The following ENOSF1 variants were observed in gnomAD, a reference collection of about 807,000 sequenced individuals.
ENOSF1 encodes enolase superfamily member 1.
A neutral mutation model predicts 68.2 loss-of-function variants in ENOSF1; 73 were observed. That is an observed-to-expected ratio of 1.07 (90% CI 0.89 to 1.30). The LOEUF is 1.30. ENOSF1 is among the 50% of genes most tolerant of loss of function. ENOSF1 has a pLI of 0.00. For missense variants in ENOSF1, 589 were observed against 554.5 expected, an observed-to-expected ratio of 1.06 and a Z score of -0.62; for synonymous variants, 223 against 210.4, an observed-to-expected ratio of 1.06 and a Z score of -0.52.
intron 11 of ENOSF1, among the ~76,000 whole-genome samples, chr18:682,784 G>C (rs903776584): frequency 1.3e-5 from 2 of 150,926 alleles, no homozygotes; most frequent in African/African-American, 2.4e-5. Flanking sequence ...TCAGGAGGCT[G>C]AGGCAGAAGA....
Position 691,080 on chromosome 18 carries a change from T to C in ENOSF1, c.523A>G (p.Lys175Glu). The C allele has an allele frequency of 6.2e-7, 1 of 1,614,218 alleles. No homozygotes were observed. Among genetic ancestry groups the C allele is most frequent in the East Asian group, 2.2e-5 (1 of 44,882 alleles). The change falls in exon 7 of 16, where the codon AAA becomes GAA. Residue 175 changes from lysine (K) to glutamate (E), a missense_variant. Transcript: ENST00000647584. ...TCTTACAACCCACCTCTTTCTTTTT[T>C]ACCAATTTGACCTTTCTGCAGTATT... The part of the protein sequence containing the change: ...LEILQKGQIG[K>E]KEREKQMLAQ...
chr18:695,634 G>A (rs980901597), intron 3 of ENOSF1, among the ~76,000 whole-genome samples: 1 of 151,882 alleles, frequency 6.6e-6, no homozygotes, highest in South Asian at 2.1e-4. Context: ...AAGTACAGAC[G>A]GGGGTCTCAA....
downstream of ENOSF1, among the ~76,000 whole-genome samples, chr18:667,551 G>GGT: frequency 3.3e-5 from 3 of 91,912 alleles, no homozygotes; most frequent in Non-Finnish European, 6.0e-5. Context: ...TGATGGTGAT[G>GGT]GAGATGGTGA....
chr18:702,791 T>C (rs1169647743), intron 2 of ENOSF1, among the ~76,000 whole-genome samples: 1 of 152,048 alleles, frequency 6.6e-6, no homozygotes, highest in East Asian at 1.9e-4. Context: ...AGGATAAAAA[T>C]GAATATTAAT....
chr18:706,614 G>GT (rs775896645), intron 1 of ENOSF1, 36 bp from the exon 2 acceptor site: 2 of 1,494,758 alleles, frequency 1.3e-6, no homozygotes, highest in African/African-American at 2.7e-5. Flanking sequence ...AACAATGCCA[G>GT]TGTGAGAAAC....
chr18:711,945 G>C (rs1044727230), intron 1 of ENOSF1, among the ~76,000 whole-genome samples: 13 of 152,166 alleles, frequency 8.5e-5, no homozygotes, highest in Admixed American at 7.9e-4. Context: ...TTGTGGAAGC[G>C]GGATCACCAC....
At chr18:686,263 TTTAATATA>T in intron 9 of ENOSF1, 1 of 440,404 alleles carries the variant, frequency 2.3e-6, no homozygotes, top group Non-Finnish European at 4.0e-6. Flanking sequence ...AAGTCAGGTC[TTTAATATA>T]ATTAACTCCG....
chr18:699,791 T>C (rs1439365897), intron 2 of ENOSF1, among the ~76,000 whole-genome samples: 1 of 152,158 alleles, frequency 6.6e-6, no homozygotes, highest in Admixed American at 6.5e-5. Flanking sequence ...TTGAAAGTGG[T>C]GCCCCAGGCT....
Position 674,398 on chromosome 18 carries a change from G to C in ENOSF1, c.1239C>G (p.Gly413=), listed in dbSNP as rs775657793. 2 of 1,606,970 alleles carry C rather than the reference G, an allele frequency of 1.2e-6. No homozygotes were observed. Among genetic ancestry groups the C allele is most frequent in the South Asian group, 2.2e-5 (2 of 89,312 alleles). Residue 413 remains glycine (G), a synonymous_variant, in exon 16 of 16, where the codon GGC becomes GGG. Transcript: ENST00000647584. ...RASYMPPKDP[G]YSTEMKEESV... is the part of the protein sequence containing the mutation. ...ATTCCTCCTTCATTTCTGTTGAGTAGCCGGGATCCTATCAAAGACCAAAAA... is the reference window on the plus strand; with the variant it reads ...ATTCCTCCTTCATTTCTGTTGAGTACCCGGGATCCTATCAAAGACCAAAAA...
At position 712,607 on chromosome 18, in the gene ENOSF1, C is replaced by T. The variant is rs1453650250; in HGVS notation, c.-20G>A. On this transcript the variant is annotated 5_prime_UTR_variant, in exon 1 of 16. Transcript: ENST00000647584. ...CACCATGGCCCCTGCGCCCCGTGGC[C>T]GCGGCCCCCGTGCGGTCAGGACTGG... The T allele has an allele frequency of 1.4e-6, 2 of 1,456,230 alleles. No individual in the cohort carries two copies. Among genetic ancestry groups the T allele is most frequent in the Non-Finnish European group, 1.8e-6 (2 of 1,097,240 alleles). The allele number at this position is 1,456,230 out of a possible 1,614,324, so 90.2% of individuals were successfully genotyped here.
intron 10 of ENOSF1, among the ~76,000 whole-genome samples, chr18:685,464 TCTTA>T (rs1371187696): frequency 2.6e-5 from 4 of 152,188 alleles, no homozygotes; most frequent in East Asian, 1.9e-4. Context: ...CATAAAAACA[TCTTA>T]CTGTGACTTT....
At chr18:675,204 G>C (rs2075356553) in intron 15 of ENOSF1, 117 bp downstream of exon 15, 1 of 787,240 alleles carries the variant, frequency 1.3e-6, no homozygotes, top group Non-Finnish European at 2.2e-6. Flanking sequence ...CCGTTTGTTA[G>C]TGGATATTGC....
At chr18:693,664 C>CA (rs1364722001) in intron 5 of ENOSF1, 2 of 985,282 alleles carry the variant, frequency 2.0e-6, no homozygotes, top group African/African-American at 3.5e-5. Context: ...AGGACCCCCT[C>CA]ACTGCTTCCC....
At position 673,918 on chromosome 18, in the gene ENOSF1, G is replaced by T. The variant is rs1290573111; in HGVS notation, c.*387C>A. The T allele has an allele frequency of 6.4e-6, 1 of 155,894 alleles. No individual in the cohort carries two copies. The highest frequency in any genetic ancestry group is 2.4e-5 in the African/African-American group (1 of 41,292). The allele number at this position is 155,894 out of a possible 1,614,324, so 9.7% of individuals were successfully genotyped here. A position where few individuals can be genotyped will look rare whatever the true frequency, so the allele number is the denominator to read the frequency against. ...TTGCATACCAGATACCCCCGGTGTT[G>T]CACGACTATTTTTATTCTGCTAATT... On this transcript the variant is annotated 3_prime_UTR_variant, in exon 16 of 16. Transcript: ENST00000647584.
rs773110690 is a variant in ENOSF1 at position 677,442 on chromosome 18, GA to G, written c.1050del (p.Pro351LeufsTer18). The G allele has an allele frequency of 1.2e-6, 2 of 1,611,372 alleles. No individual in the cohort carries two copies. Among genetic ancestry groups the G allele is most frequent in the South Asian group, 2.2e-5 (2 of 90,578 alleles). ...SVLLMAKKFE[I>X]PVCPHAGGVG... ...ACTCCACCAGCATGGGGGCAAACAG[GA>G]ACTAAAAGGAAATCGTTTCTATTTA... On this transcript the variant is annotated frameshift_variant and splice_region_variant, in exon 14 of 16. Transcript: ENST00000647584. LOFTEE classifies it high-confidence loss of function.
the ENOSF1 span, among the ~76,000 whole-genome samples, chr18:664,816 A>G: frequency 6.8e-6 from 1 of 148,100 alleles, no homozygotes; most frequent in South Asian, 2.2e-4. Context: ...ATGCTGGATT[A>G]CATTTATTGA....
At position 677,334 on chromosome 18, in the gene ENOSF1, A is replaced by T. The variant is rs1279532910; in HGVS notation, c.1148+11T>A. The T allele has an allele frequency of 1.2e-6, 2 of 1,607,342 alleles. No individual in the cohort carries two copies. Among genetic ancestry groups the T allele is most frequent in the Non-Finnish European group, 1.7e-6 (2 of 1,174,384 alleles). ...TACTGAAACAGAAAGTATTAATGCC[A>T]CATTACTGACCTATTTTCAAGGCTT... On this transcript the variant is annotated intron_variant, in intron 14 of 15. Coordinates refer to ENST00000647584, the MANE Select transcript of ENOSF1 (RefSeq NM_017512.7).
At chr18:668,030 C>G (rs2074891226), downstream of ENOSF1, among the ~76,000 whole-genome samples, 1 of 123,842 alleles carries the variant, frequency 8.1e-6, no homozygotes, top group Admixed American at 8.3e-5. Flanking sequence ...GAAAGTTTCC[C>G]TGGACACACT....
downstream of ENOSF1, among the ~76,000 whole-genome samples, chr18:666,950 GTGATGGA>G (rs2074838182): frequency 3.2e-5 from 1 of 31,350 alleles, no homozygotes. Context: ...GATGGTGATG[GTGATGGA>G]GATGGAGATG....
Sources: allele counts gnomAD v4.1 joint callset (sites outside exome capture counted in the v4.1 genomes callset), GRCh38; gene constraint gnomAD v4.1.1; transcripts MANE v1.5; gene names NCBI Gene and HGNC (gene_info 2026-07-23, HGNC 2026-07-21).